MAGI2: variants seen among roughly 807,000 people sequenced by gnomAD.
The protein encoded by MAGI2 is membrane-associated guanylate kinase, WW and PDZ domain-containing protein 2.
Under a neutral mutation model 133.3 loss-of-function variants are expected in MAGI2, and 35 were observed. The ratio of observed to expected loss-of-function variants is 0.26; its 90% CI spans 0.20 to 0.35. The LOEUF (loss-of-function observed/expected upper bound fraction) is 0.35. MAGI2 is among the 10% of genes least tolerant of loss of function. The pLI, the probability that MAGI2 is intolerant of heterozygous loss-of-function variation, is 1.00. For missense variants in MAGI2, 1,636 were observed against 1,863.4 expected (o/e 0.88, Z 2.25); for synonymous variants, 729 against 710.6 (o/e 1.03, Z -0.41).
chr7:78,280,964 T>TTAAA lies in MAGI2; in HGVS notation c.1409-24387_1409-24384dup, dbSNP rs549221615. On this transcript the variant is annotated intron_variant, in intron 9 of 21. Coordinates refer to ENST00000354212, the MANE Select transcript of MAGI2 (RefSeq NM_012301.4). ...TCACACCATGGCAGAGCCATAATTG[T>TTAAA]TAAATATTCTTCCTTAAACTGAATC... Among the ~76,000 whole-genome samples the TTAAA allele has an allele frequency of 3.3e-5, 5 of 152,202 alleles. No homozygotes were observed. In the South Asian group the frequency reaches 1.0e-3, roughly 32 times the overall value.
At chr7:79,228,011 T>C (rs1329014205) in intron 1 of MAGI2, among the ~76,000 whole-genome samples, 1 of 152,104 alleles carries the variant, frequency 6.6e-6, no homozygotes, top group African/African-American at 2.4e-5. Flanking sequence ...TAAATCACTG[T>C]GGCCTCTTTT....
rs188249947 is a variant in MAGI2 at position 78,764,913 on chromosome 7, C to T, written c.419-137674G>A. ...GTTTTCAGGCCTCACAACTTATTAC[C>T]AGCTTAGTTAGCAAAGCATAGCCAT... On this transcript the variant is annotated intron_variant, in intron 2 of 21. Transcript: ENST00000354212. Among the ~76,000 whole-genome samples, 4 of 54,650 alleles carry T rather than the reference C, an allele frequency of 7.3e-5. No homozygotes were observed. The South Asian group carries it at 1.6e-3, about 22-fold the overall frequency. 35.9% of individuals were successfully genotyped at this position (54,650 alleles called of 152,430 possible). A position where few individuals can be genotyped will look rare whatever the true frequency, so the allele number is the denominator to read the frequency against.
At chr7:78,238,227 C>A (rs1021566951) in intron 10 of MAGI2, among the ~76,000 whole-genome samples, 1 of 152,052 alleles carries the variant, frequency 6.6e-6, no homozygotes, top group Non-Finnish European at 1.5e-5. Flanking sequence ...ATTCAGTCCC[C>A]AGCTTTAGGC....
intron 1 of MAGI2, among the ~76,000 whole-genome samples, chr7:79,129,869 G>C (rs1820756770): frequency 6.6e-6 from 1 of 152,178 alleles, no homozygotes; most frequent in Non-Finnish European, 1.5e-5. Context: ...GCAATGAAAT[G>C]CTGCACATTT....
At chr7:78,097,992 G>A (rs188184825) in intron 20 of MAGI2, among the ~76,000 whole-genome samples, 9 of 143,914 alleles carry the variant, frequency 6.3e-5, no homozygotes, top group Admixed American at 1.4e-4. Flanking sequence ...GAAAAATTTC[G>A]TGTGTTATTA....
At chr7:78,742,064 T>A (rs891196188) in intron 2 of MAGI2, among the ~76,000 whole-genome samples, 4 of 151,964 alleles carry the variant, frequency 2.6e-5, no homozygotes, top group Admixed American at 2.6e-4. Context: ...GGTAATTGCA[T>A]TGGGTAGAAC....
At position 78,144,310 on chromosome 7, in the gene MAGI2, A is replaced by G. The variant is rs1465487087; in HGVS notation, c.2846-9104T>C. ...TTCACATTTCTAATAATATTCCTAC[A>G]TAGCTGTTTCTCATTTTATCAATGT... is the stretch of plus-strand genomic sequence containing the variant. On this transcript the variant is annotated intron_variant, in intron 16 of 21. Transcript: ENST00000354212. 2.6e-5 allele frequency among the ~76,000 whole-genome samples: 4 copies of G among 152,128 alleles called. No homozygotes were observed. In the East Asian group the frequency reaches 7.7e-4, roughly 29 times the overall value.
rs747092523 is a variant in MAGI2, at chr7:78,185,665, C to A, written c.2275G>T (p.Val759Leu). 4 of 1,581,916 alleles carry A rather than the reference C, an allele frequency of 2.5e-6. No homozygotes were observed. Among genetic ancestry groups the A allele is most frequent in the Non-Finnish European group, 3.5e-6 (4 of 1,158,228 alleles). Reference sequence around the variant, plus strand: ...ATTCGAAAACTGGTCCTGGGTGGCACTTGTTCTGGATGGGAAAATGGGGAA... The same window carrying A: ...ATTCGAAAACTGGTCCTGGGTGGCAATTGTTCTGGATGGGAAAATGGGGAA... ...SRAIYESRQQVPPRTSFRMDS... is the reference protein window; with the variant it reads ...SRAIYESRQQLPPRTSFRMDS... Residue 759 changes from valine to leucine, a missense_variant, in exon 13 of 22, where the codon GTG (valine) becomes TTG (leucine). Around this residue, in one of 5 missense-constraint regions of MAGI2, gnomAD observed 920 missense variants for 1,093.5 expected, o/e 0.84. Coordinates refer to ENST00000354212, the MANE Select transcript of MAGI2 (RefSeq NM_012301.4).
At chr7:78,500,414 G>C (rs1416240965) in intron 5 of MAGI2, among the ~76,000 whole-genome samples, 4 of 152,044 alleles carry the variant, frequency 2.6e-5, no homozygotes, top group African/African-American at 7.2e-5. Flanking sequence ...AGAGGATAAG[G>C]GTTGTTCATT....
chr7:78,976,058 A>G (rs891760967), intron 2 of MAGI2, among the ~76,000 whole-genome samples: 3 of 151,660 alleles, frequency 2.0e-5, no homozygotes, highest in Non-Finnish European at 4.4e-5. Flanking sequence ...ATTAGTCCAG[A>G]TTAGCACTTT....
intron 1 of MAGI2, among the ~76,000 whole-genome samples, chr7:79,309,093 A>G (rs1395359696): frequency 1.3e-5 from 2 of 152,034 alleles, no homozygotes; most frequent in African/African-American, 2.4e-5. Flanking sequence ...CCAAATATAT[A>G]TAATATTTGC....
intron 3 of MAGI2, among the ~76,000 whole-genome samples, chr7:78,597,860 GTT>G (rs79078368): frequency 0.34 from 37,908 of 110,168 alleles, 5,677 homozygotes; most frequent in Middle Eastern, 0.46. Flanking sequence ...CTGGCAAACT[GTT>G]TTTTTTTTTC....
rs1826497567 is a variant in MAGI2, at chr7:78,782,754, A to C, written c.419-155515T>G. ...AGCAGATATGGCCTGGGCAAAGCTG[A>C]CAAACGTGGTGCCGAACAGCTTTTT... On this transcript the variant is annotated intron_variant, in intron 2 of 21. Transcript: ENST00000354212. Among the ~76,000 whole-genome samples the C allele has an allele frequency of 2.6e-5, 4 of 152,162 alleles. No individual in the cohort carries two copies. The South Asian group carries it at 8.3e-4, about 31-fold the overall frequency.
chr7:79,034,188 G>C (rs192826702), intron 1 of MAGI2, among the ~76,000 whole-genome samples: 41 of 152,084 alleles, frequency 2.7e-4, no homozygotes, highest in Admixed American at 2.2e-3. Flanking sequence ...CAGGACTGAA[G>C]GCTGATGATA....
intron 11 of MAGI2, among the ~76,000 whole-genome samples, chr7:78,199,506 C>A (rs1829038917): frequency 6.6e-6 from 1 of 152,190 alleles, no homozygotes; most frequent in African/African-American, 2.4e-5. Flanking sequence ...AGATATAGAA[C>A]TTGAGACTGA....
Position 78,324,153 on chromosome 7 carries a change from C to CACT in MAGI2, c.1408+19624_1408+19625insAGT, listed in dbSNP as rs879588024. Among the ~76,000 whole-genome samples, 604 of 144,298 alleles carry CACT rather than the reference C, an allele frequency of 4.2e-3. 6 individuals are homozygous for CACT. The highest frequency in any genetic ancestry group is 0.015 in the African/African-American group (565 of 38,900). 94.7% of individuals were successfully genotyped at this position (144,298 alleles called of 152,430 possible). A position where few individuals can be genotyped will look rare whatever the true frequency, so the allele number is the denominator to read the frequency against. ...CACTACACTACACTACACTACACTACACACTACACTACACTACACACTACA... is the reference window on the plus strand; with the variant it reads ...CACTACACTACACTACACTACACTACACTACACTACACTACACTACACACTACA... On this transcript the variant is annotated intron_variant, in intron 9 of 21. Coordinates refer to ENST00000354212, the MANE Select transcript of MAGI2 (RefSeq NM_012301.4).
intron 2 of MAGI2, among the ~76,000 whole-genome samples, chr7:78,805,321 T>C (rs908067976): frequency 6.6e-6 from 1 of 151,852 alleles, no homozygotes; most frequent in Non-Finnish European, 1.5e-5. Context: ...CTAATATTTC[T>C]TATTATCACT....
At chr7:78,242,055 C>A (rs997786763) in intron 10 of MAGI2, among the ~76,000 whole-genome samples, 1 of 151,524 alleles carries the variant, frequency 6.6e-6, no homozygotes, top group Non-Finnish European at 1.5e-5. Context: ...AGAATGTCTA[C>A]CACATGTTTG....
chr7:78,635,702 T>A (rs1278272554), intron 2 of MAGI2, among the ~76,000 whole-genome samples: 1 of 152,236 alleles, frequency 6.6e-6, no homozygotes, highest in Non-Finnish European at 1.5e-5. Flanking sequence ...TTCCTCTGTA[T>A]TTGACCTTTG....
Sources: gnomAD v4.1 joint callset for allele counts (sites outside exome capture counted in the v4.1 genomes callset) on GRCh38, gnomAD v4.1.1 for gene constraint, gnomAD v4.1.1 regional missense constraint, MANE v1.5 for transcripts, NCBI Gene and HGNC (gene_info 2026-07-23, HGNC 2026-07-21) for gene names.